NTRK2: variants seen among roughly 807,000 people sequenced by gnomAD.
NTRK2 encodes BDNF/NT-3 growth factors receptor.
In NTRK2, 13 loss-of-function variants were observed where a neutral mutation model predicts 94.5. The observed-to-expected ratio is 0.14, with a 90% CI of 0.09 to 0.22. The LOEUF is 0.22. NTRK2 is among the 10% of genes least tolerant of loss of function. The pLI, the probability that NTRK2 is intolerant of heterozygous loss-of-function variation, is 1.00. For missense variants in NTRK2, 639 were observed against 1,071.2 expected, an observed-to-expected ratio of 0.60 and a Z score of 5.63; for synonymous variants, 372 against 407.4, an observed-to-expected ratio of 0.91 and a Z score of 1.05.
chr9:84,803,337 C>G (rs773785537), intron 12 of NTRK2, among the ~76,000 whole-genome samples: 1 of 152,172 alleles, frequency 6.6e-6, no homozygotes, highest in African/African-American at 2.4e-5. Flanking sequence ...AAAGCTGAAG[C>G]CAGAGAAGTG....
At chr9:84,758,926 T>C (rs2065304445) in intron 12 of NTRK2, among the ~76,000 whole-genome samples, 1 of 152,240 alleles carries the variant, frequency 6.6e-6, no homozygotes, top group Non-Finnish European at 1.5e-5. Flanking sequence ...TTCTTTCTTA[T>C]AGCATGGGAA....
At chr9:84,835,536 CAAG>C (rs149120026) in intron 12 of NTRK2, among the ~76,000 whole-genome samples, 19,229 of 151,540 alleles carry the variant, frequency 0.13, 1,505 homozygotes, top group African/African-American at 0.22. Context: ...ACAAGAACAA[CAAG>C]AACAACAACA....
At chr9:84,837,867 A>G (rs1405794471) in intron 12 of NTRK2, among the ~76,000 whole-genome samples, 1 of 152,230 alleles carries the variant, frequency 6.6e-6, no homozygotes, top group Non-Finnish European at 1.5e-5. Flanking sequence ...ACTTACTGAT[A>G]AAATCTAAGA....
chr9:84,702,503 C>T, intron 4 of NTRK2, 84 bp downstream of exon 4: 1 of 1,123,450 alleles, frequency 8.9e-7, no homozygotes, highest in Non-Finnish European at 1.4e-6. Flanking sequence ...TCTTTTCCAA[C>T]TTGAAACCTC....
intron 12 of NTRK2, among the ~76,000 whole-genome samples, chr9:84,852,718 T>A (rs2074842876): frequency 6.6e-6 from 1 of 152,230 alleles, no homozygotes; most frequent in Non-Finnish European, 1.5e-5. Flanking sequence ...AAACTGCTTT[T>A]GAAATAGTCC....
At chr9:84,810,674 C>A in intron 12 of NTRK2, 1 of 1,603,690 alleles carries the variant, frequency 6.2e-7, no homozygotes, top group Admixed American at 1.7e-5. Flanking sequence ...TTGGCTTATC[C>A]CGGGAAGTGC....
intron 5 of NTRK2, 41 bp from the exon 6 acceptor site, chr9:84,710,596 G>GA: frequency 3.1e-6 from 5 of 1,612,208 alleles, no homozygotes; most frequent in Non-Finnish European, 4.2e-6. Flanking sequence ...AGCTAAAATG[G>GA]AAAAAGGAAC....
intron 2 of NTRK2, among the ~76,000 whole-genome samples, chr9:84,692,072 T>C (rs985732495): frequency 2.6e-5 from 4 of 152,236 alleles, no homozygotes; most frequent in South Asian, 2.1e-4. Flanking sequence ...GTCATTTTTG[T>C]CCTGGTACTC....
In NTRK2 at chr9:84,966,050, A is replaced by G. The variant is rs12347877; in HGVS notation, c.2172+10533A>G. On this transcript the variant is annotated intron_variant, in intron 17 of 18. Transcript: ENST00000277120. The stretch of plus-strand genomic sequence containing the variant: ...TGATCATCCTATTGGTGACCATAAG[A>G]ACTTAGCACAGTCATGTTGCCTGAG... 3.7e-3 allele frequency among the ~76,000 whole-genome samples: 570 copies of G among 152,314 alleles called. 1 individual carries two copies. Among genetic ancestry groups the G allele is most frequent in the African/African-American group, 0.013 (542 of 41,548 alleles).
chr9:84,834,806 G>C (rs2073776358), intron 12 of NTRK2, among the ~76,000 whole-genome samples: 1 of 152,086 alleles, frequency 6.6e-6, no homozygotes, highest in African/African-American at 2.4e-5. Flanking sequence ...AGCTTAGCAG[G>C]GCTGCCTGCT....
intron 16 of NTRK2, among the ~76,000 whole-genome samples, chr9:84,953,711 A>G (rs1226655913): frequency 1.3e-5 from 2 of 152,228 alleles, no homozygotes; most frequent in African/African-American, 4.8e-5. Context: ...AAATCCAGGT[A>G]TTTAGAGACA....
intron 11 of NTRK2, among the ~76,000 whole-genome samples, chr9:84,746,898 G>A (rs1050049195): frequency 1.6e-4 from 24 of 152,116 alleles, no homozygotes; most frequent in Non-Finnish European, 2.9e-5. Context: ...CTCTTCTCTA[G>A]ATTCTTTAGT....
intron 16 of NTRK2, among the ~76,000 whole-genome samples, chr9:84,950,604 TTA>T (rs1345764566): frequency 3.9e-5 from 6 of 152,090 alleles, no homozygotes; most frequent in Non-Finnish European, 7.4e-5. Context: ...TTTTTTTTTT[TTA>T]ATTTAGCTAG....
intron 12 of NTRK2, among the ~76,000 whole-genome samples, chr9:84,860,710 A>G (rs1329776088): frequency 1.3e-5 from 2 of 152,166 alleles, no homozygotes; most frequent in African/African-American, 4.8e-5. Flanking sequence ...AGAAAGTGAG[A>G]AAGAAAGAAA....
chr9:84,741,957 CT>C, intron 10 of NTRK2, 30 bp downstream of exon 10: 1 of 1,581,122 alleles, frequency 6.3e-7, no homozygotes, highest in Non-Finnish European at 8.7e-7. Context: ...CTTTGTATTT[CT>C]TTTTCAAAAT....
chr9:84,808,908 C>G (rs2071426471), intron 12 of NTRK2, among the ~76,000 whole-genome samples: 1 of 152,100 alleles, frequency 6.6e-6, no homozygotes, highest in Non-Finnish European at 1.5e-5. Context: ...GACCAGACAC[C>G]AGGTGGAGGA....
intron 12 of NTRK2, among the ~76,000 whole-genome samples, chr9:84,757,223 C>CA (rs1261143913): frequency 3.9e-5 from 6 of 151,990 alleles, no homozygotes; most frequent in Non-Finnish European, 8.8e-5. Context: ...TCTTGTTTTT[C>CA]AAAATTTCAA....
At chr9:84,818,602 G>T (rs1443760042) in intron 12 of NTRK2, among the ~76,000 whole-genome samples, 4 of 152,210 alleles carry the variant, frequency 2.6e-5, no homozygotes, top group African/African-American at 9.7e-5. Flanking sequence ...CTGTAATTCA[G>T]CGCTAATTAG....
At chr9:84,770,347 C>G (rs2066435227) in intron 12 of NTRK2, among the ~76,000 whole-genome samples, 1 of 152,160 alleles carries the variant, frequency 6.6e-6, no homozygotes, top group Non-Finnish European at 1.5e-5. Context: ...TACAAGTTCT[C>G]TGCAGGATCT....
Sources: gnomAD v4.1 joint callset for allele counts (sites outside exome capture counted in the v4.1 genomes callset) on GRCh38, gnomAD v4.1.1 for gene constraint, MANE v1.5 for transcripts, NCBI Gene and HGNC (gene_info 2026-07-23, HGNC 2026-07-21) for gene names.